Variants in DMD observed in about 807,000 individuals in gnomAD.
DMD encodes the protein mutant dystrophin.
Under a neutral mutation model 330.1 loss-of-function variants are expected in DMD, and 63 were observed. The ratio of observed to expected loss-of-function variants is 0.19; its 90% CI spans 0.16 to 0.24. DMD has a LOEUF of 0.24. Among genes scored for constraint, DMD ranks in the 10% least tolerant of loss-of-function variants. The pLI is 1.00. For missense variants in DMD, 3,344 were observed against 2,684.1 expected (o/e 1.25, Z -5.43); for synonymous variants, 1,223 against 959.8 (o/e 1.27, Z -5.07).
At chrX:32,147,534 G>C (rs1163522694) in intron 44 of DMD, among the ~76,000 whole-genome samples, 1 of 111,393 alleles carries the variant, frequency 9.0e-6, no homozygotes, top group African/African-American at 3.3e-5. Flanking sequence ...TAGATAAGTT[G>C]ATATTTGACA....
At chrX:31,126,182 A>C (rs766356706) in intron 78 of DMD, among the ~76,000 whole-genome samples, 3 of 112,212 alleles carry the variant, frequency 2.7e-5, no homozygotes, top group Admixed American at 9.5e-5. Flanking sequence ...GAGCGTAGGA[A>C]CCAAGAAAAA....
chrX:31,461,187 AAG>A (rs2066505410), intron 59 of DMD, among the ~76,000 whole-genome samples: 1 of 112,160 alleles, frequency 8.9e-6, no homozygotes, highest in African/African-American at 3.2e-5. Flanking sequence ...ATAAATATAA[AAG>A]AAATAATAAA....
intron 16 of DMD, among the ~76,000 whole-genome samples, chrX:32,560,377 A>G (rs762412274): frequency 9.0e-6 from 1 of 111,423 alleles, no homozygotes; most frequent in South Asian, 3.8e-4. Context: ...AAATGAGGAA[A>G]GTAATGCTTC....
At chrX:31,200,987 G>A (rs760277841) in intron 67 of DMD, among the ~76,000 whole-genome samples, 1 of 111,756 alleles carries the variant, frequency 8.9e-6, no homozygotes, top group East Asian at 2.8e-4. Context: ...AAAGCCACCT[G>A]TTACCACCAT....
intron 44 of DMD, among the ~76,000 whole-genome samples, chrX:32,052,336 A>G (rs1315096257): frequency 1.8e-5 from 2 of 111,053 alleles, no homozygotes; most frequent in African/African-American, 6.5e-5. Flanking sequence ...GAATCTTAAC[A>G]CATGGATGAA....
intron 44 of DMD, among the ~76,000 whole-genome samples, chrX:32,072,680 G>T (rs1261141859): frequency 9.0e-6 from 1 of 111,606 alleles, no homozygotes; most frequent in Non-Finnish European, 1.9e-5. Flanking sequence ...CACTGATAAA[G>T]TTTCCTGGTG....
At chrX:32,787,683 C>T (rs767428103) in intron 7 of DMD, among the ~76,000 whole-genome samples, 20 of 110,232 alleles carry the variant, frequency 1.8e-4, no homozygotes, top group Non-Finnish European at 3.6e-4. Context: ...TGTGGACTCT[C>T]ACCTCTCCCT....
intron 43 of DMD, among the ~76,000 whole-genome samples, chrX:32,278,844 C>T (rs945654926): frequency 2.7e-5 from 3 of 111,328 alleles, no homozygotes; most frequent in East Asian, 2.8e-4. Flanking sequence ...AAAGCTCCTC[C>T]GCAGTGAAAC....
chrX:32,825,581 G>A (rs1450851116), intron 4 of DMD, among the ~76,000 whole-genome samples: 1 of 112,088 alleles, frequency 8.9e-6, no homozygotes, highest in African/African-American at 3.2e-5. Flanking sequence ...AATTATCATA[G>A]TAACATTATT....
chrX:32,287,793 G>A (rs2148458857), intron 42 of DMD, 92 bp from the exon 43 acceptor site: 1 of 619,892 alleles, frequency 1.6e-6, no homozygotes, highest in East Asian at 3.9e-5. Context: ...CCCAAAGGTA[G>A]CAAATGGTGT....
intron 1 of DMD, among the ~76,000 whole-genome samples, chrX:33,203,198 T>A (rs2051378013): frequency 8.9e-6 from 1 of 112,054 alleles, no homozygotes; most frequent in South Asian, 3.7e-4. Flanking sequence ...TAGCATTAAA[T>A]AAAGTGCAAA....
rs932196919 is a variant in DMD, at chrX:31,528,102, G to C, written c.8218-20649C>G. 4.5e-5 allele frequency among the ~76,000 whole-genome samples: 5 copies of C among 111,663 alleles called. No homozygotes were observed. In the Admixed American group the frequency reaches 4.8e-4, roughly 11 times the overall value. On this transcript the variant is annotated intron_variant, in intron 55 of 78. Transcript: ENST00000357033. The stretch of plus-strand genomic sequence containing the variant: ...AGAGATTTCCCATCACAGAAGGATA[G>C]GAATTGAGGAAGGCAAGTGGATTTG...
intron 54 of DMD, among the ~76,000 whole-genome samples, chrX:31,651,796 A>G (rs1006193944): frequency 1.3e-4 from 15 of 111,475 alleles, no homozygotes; most frequent in African/African-American, 4.9e-4. Flanking sequence ...CACCTCTCCC[A>G]TTCTGATCCC....
chrX:32,283,755 T>C (rs1366128409), intron 43 of DMD, among the ~76,000 whole-genome samples: 1 of 111,371 alleles, frequency 9.0e-6, no homozygotes, highest in East Asian at 2.8e-4. Context: ...TCCATCCATT[T>C]ATATATTATA....
chrX:31,169,631 T>C, intron 73 of DMD, 30 bp from the exon 74 acceptor site: 2 of 1,167,562 alleles, frequency 1.7e-6, no homozygotes, highest in Non-Finnish European at 2.3e-6. Context: ...GTTTTGGTTT[T>C]TTCCCCCCCT....
chrX:32,347,222 G>A (rs2097767052), intron 38 of DMD, among the ~76,000 whole-genome samples: 1 of 111,328 alleles, frequency 9.0e-6, no homozygotes, highest in South Asian at 3.7e-4. Context: ...CTTATAGTCT[G>A]TAAAAGACTT....
intron 44 of DMD, among the ~76,000 whole-genome samples, chrX:32,012,395 G>A (rs1011420054): frequency 1.3e-4 from 14 of 111,874 alleles, no homozygotes; most frequent in Non-Finnish European, 2.4e-4. Context: ...CAATTTCACT[G>A]CACTTCTCTT....
intron 52 of DMD, among the ~76,000 whole-genome samples, chrX:31,707,328 T>C (rs1424690613): frequency 9.0e-6 from 1 of 111,536 alleles, no homozygotes; most frequent in African/African-American, 3.3e-5. Context: ...CTTCCACTCA[T>C]CCTCATTTTG....
At chrX:33,020,817 C>A in intron 1 of DMD, among the ~76,000 whole-genome samples, 1 of 111,452 alleles carries the variant, frequency 9.0e-6, no homozygotes, top group Middle Eastern at 4.6e-3. Flanking sequence ...TTAAAAGAAA[C>A]TCTCAGCTGT....
Sources: allele counts gnomAD v4.1 joint callset (sites outside exome capture counted in the v4.1 genomes callset), GRCh38; gene constraint gnomAD v4.1.1; transcripts MANE v1.5; gene names NCBI Gene and HGNC (gene_info 2026-07-23, HGNC 2026-07-21).